The following ZCCHC7 variants were observed in gnomAD, a reference collection of about 807,000 sequenced individuals.
ZCCHC7 encodes zinc finger CCHC domain-containing protein 7.
In ZCCHC7, 35 loss-of-function variants were observed where a neutral mutation model predicts 52.0. The ratio of observed to expected loss-of-function variants is 0.67; its 90% CI spans 0.51 to 0.89. ZCCHC7 has a LOEUF of 0.89. Among genes scored for constraint, ZCCHC7 ranks in the 40% least tolerant of loss-of-function variants. The probability of loss-of-function intolerance (pLI) is 0.00; values close to 1 mark genes in which losing one functional copy is unlikely to be tolerated. For missense variants in ZCCHC7, 574 were observed against 649.1 expected, an observed-to-expected ratio of 0.88 and a Z score of 1.26; for synonymous variants, 217 against 221.5, an observed-to-expected ratio of 0.98 and a Z score of 0.18.
chr9:37,120,668 C>A (rs909933854), intron 1 of ZCCHC7, 45 bp downstream of exon 1: 2 of 385,160 alleles, frequency 5.2e-6, no homozygotes, highest in South Asian at 1.3e-4. Flanking sequence ...GGCTCGGGAC[C>A]CCTGCCTACC....
chr9:37,137,252 G>A (rs1843033418), intron 2 of ZCCHC7, among the ~76,000 whole-genome samples: 1 of 152,182 alleles, frequency 6.6e-6, no homozygotes, highest in African/African-American at 2.4e-5. Context: ...CCAGGTGAAT[G>A]CAGTAGATTT....
At chr9:37,277,034 C>T (rs1827715873) in intron 2 of ZCCHC7, among the ~76,000 whole-genome samples, 1 of 152,108 alleles carries the variant, frequency 6.6e-6, no homozygotes, top group Admixed American at 6.5e-5. Context: ...TTTCATTTTC[C>T]CATATTTCAT....
intron 2 of ZCCHC7, among the ~76,000 whole-genome samples, chr9:37,251,589 A>T (rs528609088): frequency 6.6e-6 from 1 of 152,190 alleles, no homozygotes; most frequent in African/African-American, 2.4e-5. Context: ...GGCTCCCTTA[A>T]TAGGAGAAGT....
intron 2 of ZCCHC7, among the ~76,000 whole-genome samples, chr9:37,180,022 G>C (rs897849303): frequency 6.6e-6 from 1 of 152,120 alleles, no homozygotes; most frequent in Non-Finnish European, 1.5e-5. Flanking sequence ...TAAGGACAAG[G>C]AGAAAGATAG....
chr9:37,293,854 A>T (rs751700622), intron 2 of ZCCHC7, among the ~76,000 whole-genome samples: 1 of 152,108 alleles, frequency 6.6e-6, no homozygotes, highest in African/African-American at 2.4e-5. Context: ...CGAAAGCTCT[A>T]TATGACCCTC....
At chr9:37,249,192 A>G (rs1226756597) in intron 2 of ZCCHC7, among the ~76,000 whole-genome samples, 2 of 152,096 alleles carry the variant, frequency 1.3e-5, no homozygotes, top group African/African-American at 2.4e-5. Flanking sequence ...TGTTGTGACA[A>G]TATCTTGGTA....
chr9:37,208,669 T>C (rs1824049667), intron 2 of ZCCHC7, among the ~76,000 whole-genome samples: 1 of 152,216 alleles, frequency 6.6e-6, no homozygotes, highest in South Asian at 2.1e-4. Flanking sequence ...CTTTGAAATA[T>C]ACTTAGAATC....
chr9:37,338,079 G>C (rs924326100), intron 6 of ZCCHC7, among the ~76,000 whole-genome samples: 1 of 152,102 alleles, frequency 6.6e-6, no homozygotes, highest in African/African-American at 2.4e-5. Flanking sequence ...TGAAGATTTG[G>C]AGCATTCAGG....
Position 37,304,206 on chromosome 9 carries a change from C to T in ZCCHC7, c.673C>T (p.Arg225Ter), listed in dbSNP as rs1177158416. ...CCCTTAGGCCCAGATAGCTAATAAC[C>T]GAACACCTGGAAGATGGACCCAGCG... The part of the protein sequence containing the change: ...KDIEAQIANN[R>*]TPGRWTQRYY... Residue 225 changes from arginine to a stop codon, truncating the protein, a stop_gained, in exon 4 of 9, where the codon CGA becomes TGA. Coordinates refer to ENST00000336755, the MANE Select transcript of ZCCHC7 (RefSeq NM_032226.3). LOFTEE classifies it high-confidence loss of function. 5.6e-6 allele frequency: 9 copies of T among 1,611,830 alleles called. No individual in the cohort carries two copies. Among genetic ancestry groups the T allele is most frequent in the South Asian group, 2.2e-5 (2 of 90,678 alleles).
chr9:37,284,646 G>T (rs1284513387), intron 2 of ZCCHC7, among the ~76,000 whole-genome samples: 2 of 152,076 alleles, frequency 1.3e-5, no homozygotes, highest in African/African-American at 4.8e-5. Context: ...CTTCTGTTAG[G>T]ACCAGCTCAT....
At chr9:37,147,171 G>A (rs1843469892) in intron 2 of ZCCHC7, among the ~76,000 whole-genome samples, 1 of 151,820 alleles carries the variant, frequency 6.6e-6, no homozygotes. Flanking sequence ...ATATTAAAAA[G>A]TTAGCCCCGA....
intron 6 of ZCCHC7, among the ~76,000 whole-genome samples, chr9:37,338,562 A>G (rs1373243156): frequency 6.6e-6 from 1 of 152,204 alleles, no homozygotes; most frequent in African/African-American, 2.4e-5. Context: ...AGGAAGTTAC[A>G]GAGATACAGG....
chr9:37,252,718 T>G (rs758606507), intron 2 of ZCCHC7, among the ~76,000 whole-genome samples: 3 of 152,172 alleles, frequency 2.0e-5, no homozygotes, highest in Non-Finnish European at 2.9e-5. Flanking sequence ...CTTACGTCAG[T>G]CAGAGCTGAT....
intron 5 of ZCCHC7, among the ~76,000 whole-genome samples, chr9:37,308,468 A>G (rs1564244418): frequency 6.6e-6 from 1 of 152,146 alleles, no homozygotes; most frequent in East Asian, 1.9e-4. Flanking sequence ...GTACTACAGA[A>G]CAGTTAAAAA....
chr9:37,205,272 G>A (rs769634384), intron 2 of ZCCHC7: 3 of 276,878 alleles, frequency 1.1e-5, no homozygotes, highest in African/African-American at 2.3e-5. Flanking sequence ...TTTTTGAACA[G>A]TACCTATTCC....
At chr9:37,271,488 A>G (rs1827410311) in intron 2 of ZCCHC7, among the ~76,000 whole-genome samples, 1 of 152,234 alleles carries the variant, frequency 6.6e-6, no homozygotes, top group Admixed American at 6.5e-5. Context: ...TTGAACACTG[A>G]TGAACATCTG....
chr9:37,337,620 AAGCC>A (rs1830740749), intron 6 of ZCCHC7, among the ~76,000 whole-genome samples: 2 of 152,160 alleles, frequency 1.3e-5, no homozygotes, highest in Non-Finnish European at 2.9e-5. Flanking sequence ...GGCTGGTCTG[AAGCC>A]TCATAGCACA....
chr9:37,214,215 G>C (rs1322728434), intron 2 of ZCCHC7, among the ~76,000 whole-genome samples: 1 of 151,990 alleles, frequency 6.6e-6, no homozygotes, highest in East Asian at 1.9e-4. Context: ...TAACACATTT[G>C]AGTATACTAT....
intron 2 of ZCCHC7, among the ~76,000 whole-genome samples, chr9:37,251,528 A>T (rs1826327788): frequency 1.3e-5 from 2 of 152,184 alleles, no homozygotes; most frequent in African/African-American, 4.8e-5. Flanking sequence ...AGTATCAGAC[A>T]TCACCTTTCT....
Sources: gnomAD v4.1 joint callset for allele counts (sites outside exome capture counted in the v4.1 genomes callset) on GRCh38, gnomAD v4.1.1 for gene constraint, MANE v1.5 for transcripts, NCBI Gene and HGNC (gene_info 2026-07-23, HGNC 2026-07-21) for gene names.